The following SLC9A5 variants were observed in gnomAD, a reference collection of about 807,000 sequenced individuals.
The protein encoded by SLC9A5 is sodium/hydrogen exchanger 5.
Under a neutral mutation model 91.7 loss-of-function variants are expected in SLC9A5, and 52 were observed. The observed-to-expected ratio is 0.57, with a 90% CI of 0.45 to 0.71. The LOEUF (loss-of-function observed/expected upper bound fraction) is 0.71. Among genes scored for constraint, SLC9A5 ranks in the 30% least tolerant of loss-of-function variants. The pLI is 0.00. For synonymous variants in SLC9A5, 419 were observed against 474.5 expected, an observed-to-expected ratio of 0.88 and a Z score of 1.52; for missense variants, 871 against 1,158.9, an observed-to-expected ratio of 0.75 and a Z score of 3.61.
Position 67,257,156 on chromosome 16 carries a change from G to A in SLC9A5, c.1335+43G>A. 1 of 1,564,990 alleles carries A rather than the reference G, an allele frequency of 6.4e-7. No homozygotes were observed. Among genetic ancestry groups the A allele is most frequent in the Non-Finnish European group, 8.7e-7 (1 of 1,149,782 alleles). ...GCTGGGTAGGGAGAGGGTTGGGCAG[G>A]CCCTGGGGGAGTCTTGGAGCCTGTG... On this transcript the variant is annotated intron_variant, in intron 7 of 15. Coordinates refer to ENST00000299798, the MANE Select transcript of SLC9A5 (RefSeq NM_004594.3). The surrounding 1 kb of genome is among the most constrained non-coding windows in gnomAD (Gnocchi z 5.1).
intron 12 of SLC9A5, 32 bp from the exon 13 acceptor site, chr16:67,264,320 T>A (rs1169667487): frequency 6.2e-7 from 1 of 1,607,424 alleles, no homozygotes; most frequent in Admixed American, 1.7e-5. Flanking sequence ...AAGGCATCCA[T>A]CCTCATAGCC....
rs781224911 is a variant in SLC9A5 at position 67,264,518 on chromosome 16, G to A, written c.2009G>A (p.Arg670Lys). The A allele has an allele frequency of 3.7e-6, 6 of 1,614,162 alleles. No homozygotes were observed. Among genetic ancestry groups the A allele is most frequent in the Middle Eastern group, 1.6e-4 (1 of 6,062 alleles). ...CCACGACCCCGCAAGACTGGCCGCAGGAAGGCATGTCTTCCCTCAGGGACT... is the reference window on the plus strand; with the variant it reads ...CCACGACCCCGCAAGACTGGCCGCAAGAAGGCATGTCTTCCCTCAGGGACT... The part of the protein sequence containing the change: ...SKPRPRKTGR[R>K]KKDGVANAEA... The change falls in exon 13 of 16, where the codon AGG becomes AAG. Residue 670 changes from arginine to lysine, a missense_variant. Arg to Lys is a conservative substitution (Grantham distance 26). This residue lies in a region of SLC9A5 where 295 missense variants were observed against 326.0 expected (regional missense o/e 0.90). Coordinates refer to ENST00000299798, the MANE Select transcript of SLC9A5 (RefSeq NM_004594.3).
intron 2 of SLC9A5, among the ~76,000 whole-genome samples, chr16:67,253,222 G>A (rs767380166): frequency 6.6e-5 from 10 of 152,128 alleles, no homozygotes; most frequent in Non-Finnish European, 1.3e-4. Context: ...CCCCAGGCCA[G>A]GTCTGGGTGG....
intron 15 of SLC9A5, among the ~76,000 whole-genome samples, chr16:67,266,739 C>T (rs2035718916): frequency 6.6e-6 from 1 of 151,924 alleles, no homozygotes; most frequent in Admixed American, 6.6e-5. Context: ...TGGGGTTTCA[C>T]CATGTTGGCC....
chr16:67,268,014 A>C (rs912360274), intron 15 of SLC9A5, among the ~76,000 whole-genome samples: 1 of 151,784 alleles, frequency 6.6e-6, no homozygotes, highest in Non-Finnish European at 1.5e-5. Context: ...AAATATAAGG[A>C]TTCTTTTTTT....
In SLC9A5 at chr16:67,252,014, G is replaced by A. The variant is rs542421635; in HGVS notation, c.188-528G>A. 2.4e-4 allele frequency among the ~76,000 whole-genome samples: 36 copies of A among 152,296 alleles called. No homozygotes were observed. The highest frequency in any genetic ancestry group is 3.3e-4 in the Admixed American group (5 of 15,306). On this transcript the variant is annotated intron_variant, in intron 1 of 15. Coordinates refer to ENST00000299798, the MANE Select transcript of SLC9A5 (RefSeq NM_004594.3). This position sits in a 1 kb window ranked among gnomAD's most constrained non-coding sequence, Gnocchi z 4.0. Reference sequence around the variant, plus strand: ...ATAAAGGAAGGGACATTTCTAGAAGGGGAAAAAGCAGTAAAGGCCTAGGTT... The same window carrying A: ...ATAAAGGAAGGGACATTTCTAGAAGAGGAAAAAGCAGTAAAGGCCTAGGTT...
At position 67,249,102 on chromosome 16, in the gene SLC9A5, C is replaced by G. The variant is rs1304285197; in HGVS notation, c.88C>G (p.Pro30Ala). 5 of 1,542,682 alleles carry G rather than the reference C, an allele frequency of 3.2e-6. No individual in the cohort carries two copies. In the South Asian group the frequency reaches 4.8e-5, roughly 15 times the overall value. ...CCAGAAGCCAGAGTCCCCGGGCGAG[C>G]CTCCCCCAGGCTTAGAGCTCTTCCG... is the stretch of plus-strand genomic sequence containing the variant. ...PTQKPESPGE[P>A]PPGLELFRWQ... Residue 30 changes from proline (P) to alanine (A), a missense_variant, in exon 1 of 16, where the codon CCT becomes GCT. Coordinates refer to ENST00000299798, the MANE Select transcript of SLC9A5 (RefSeq NM_004594.3).
Position 67,255,779 on chromosome 16 carries a change from G to T in SLC9A5, c.760G>T (p.Gly254Trp). 6.3e-7 allele frequency: 1 copy of T among 1,588,836 alleles called. No homozygotes were observed. The highest frequency in any genetic ancestry group is 1.8e-5 in the Admixed American group (1 of 56,792). The change falls in exon 5 of 16, where the codon GGG becomes TGG. Residue 254 changes from glycine (G) to tryptophan (W), a missense_variant. Transcript: ENST00000299798. This position sits in a 1 kb window ranked among gnomAD's most constrained non-coding sequence, Gnocchi z 4.9. Reference protein sequence around the residue: ...VASLFVVSLGGAAVGLVFAFL... With the variant: ...VASLFVVSLGWAAVGLVFAFL... ...CTCCCTGTTTGTGGTCAGTCTGGGC[G>T]GGGCAGCCGTGGGCTTAGTCTTTGC...
At chr16:67,260,124 G>A (rs760034200) in intron 12 of SLC9A5, among the ~76,000 whole-genome samples, 178 bp downstream of exon 12, 2 of 151,790 alleles carry the variant, frequency 1.3e-5, no homozygotes, top group Non-Finnish European at 2.9e-5. Context: ...CAAGACAGGC[G>A]GATCACTTGA....
intron 12 of SLC9A5, among the ~76,000 whole-genome samples, chr16:67,260,354 C>CAAAAAAAAAGAAAAA (rs2035488776): frequency 3.0e-5 from 1 of 33,468 alleles, no homozygotes; most frequent in Admixed American, 2.8e-4. Flanking sequence ...GACTCCATCT[C>CAAAAAAAAAGAAAAA]AAAAAAAAAA....
At chr16:67,268,765 G>C (rs1215576851) in intron 15 of SLC9A5, among the ~76,000 whole-genome samples, 1 of 138,458 alleles carries the variant, frequency 7.2e-6, no homozygotes, top group Non-Finnish European at 1.5e-5. Flanking sequence ...TGATTCTCCA[G>C]GGGGATGGTG....
intron 14 of SLC9A5, among the ~76,000 whole-genome samples, chr16:67,265,478 G>A (rs1481929256): frequency 6.6e-6 from 1 of 152,168 alleles, no homozygotes; most frequent in East Asian, 1.9e-4. Flanking sequence ...GAGTGCAGTG[G>A]TGCCATCTCG....
At position 67,256,908 on chromosome 16, in the gene SLC9A5, T is replaced by C; in HGVS notation, c.1133-3T>C. Reference sequence around the variant, plus strand: ...GCTCCCACTGGCCTCCCTCCCGCTGTAGGCGTAGTCCTGCAGACCTGGGTG... The same window carrying C: ...GCTCCCACTGGCCTCCCTCCCGCTGCAGGCGTAGTCCTGCAGACCTGGGTG... On this transcript the variant is annotated splice_region_variant and splice_polypyrimidine_tract_variant and intron_variant, in intron 6 of 15. Coordinates refer to ENST00000299798, the MANE Select transcript of SLC9A5 (RefSeq NM_004594.3). The surrounding 1 kb of genome is among the most constrained non-coding windows in gnomAD (Gnocchi z 4.1). The C allele has an allele frequency of 2.5e-6, 4 of 1,613,452 alleles. No individual in the cohort carries two copies. In the South Asian group the frequency reaches 3.3e-5, roughly 13 times the overall value.
intron 15 of SLC9A5, among the ~76,000 whole-genome samples, chr16:67,269,970 G>A (rs2035864203): frequency 6.6e-6 from 1 of 152,168 alleles, no homozygotes; most frequent in Non-Finnish European, 1.5e-5. Flanking sequence ...CCAAAGGGCT[G>A]TGGTGGGTAC....
chr16:67,251,781 C>T (rs766987473), intron 1 of SLC9A5, among the ~76,000 whole-genome samples: 64 of 152,090 alleles, frequency 4.2e-4, no homozygotes, highest in Non-Finnish European at 4.9e-4. Context: ...TCCCATTTCA[C>T]TGATGAGAAA....
rs1365525024 is a variant in SLC9A5 at position 67,271,151 on chromosome 16, A to G, written c.2632A>G (p.Ser878Gly). The G allele has an allele frequency of 6.2e-7, 1 of 1,613,300 alleles. No individual in the cohort carries two copies. The highest frequency in any genetic ancestry group is 1.3e-5 in the African/African-American group (1 of 75,038). ...LMGHKDHTHL[S>G]PGTATSHWCI... Reference sequence around the variant, plus strand: ...GGGCCACAAGGACCACACCCATCTCAGCCCAGGCACCGCTACCTCCCACTG... The same window carrying G: ...GGGCCACAAGGACCACACCCATCTCGGCCCAGGCACCGCTACCTCCCACTG... The change falls in exon 16 of 16, where the codon AGC (serine) becomes GGC (glycine). Residue 878 changes from serine to glycine, a missense_variant. Transcript: ENST00000299798.
At chr16:67,262,744 G>A (rs2035572475) in intron 12 of SLC9A5, 1 of 161,276 alleles carries the variant, frequency 6.2e-6, no homozygotes, top group African/African-American at 2.4e-5. Flanking sequence ...GTGCGCATGG[G>A]AGAAAAGGAA....
At chr16:67,253,612 T>C (rs1161152875) in intron 2 of SLC9A5, among the ~76,000 whole-genome samples, 1 of 152,186 alleles carries the variant, frequency 6.6e-6, no homozygotes, top group Non-Finnish European at 1.5e-5. Context: ...AACCTCCACC[T>C]CCTGGGTTCA....
intron 2 of SLC9A5, among the ~76,000 whole-genome samples, chr16:67,254,650 G>A (rs553751971): frequency 2.2e-4 from 34 of 152,228 alleles, no homozygotes; most frequent in Admixed American, 1.9e-3. Flanking sequence ...AGCCCACCTC[G>A]GCCTCCCAAA....
Sources: allele counts gnomAD v4.1 joint callset (sites outside exome capture counted in the v4.1 genomes callset), GRCh38; gene constraint gnomAD v4.1.1; regional missense constraint gnomAD v4.1.1; non-coding constraint Gnocchi (gnomAD v3.1); transcripts MANE v1.5; gene names NCBI Gene and HGNC (gene_info 2026-07-23, HGNC 2026-07-21).